Variants in RASA1 observed in about 807,000 individuals in gnomAD.
The protein encoded by RASA1 is ras GTPase-activating protein 1.
A neutral mutation model predicts 132.2 loss-of-function variants in RASA1; 25 were observed. The ratio of observed to expected loss-of-function variants is 0.19; its 90% CI spans 0.14 to 0.26. The LOEUF (loss-of-function observed/expected upper bound fraction) is 0.26. Ranked by LOEUF, RASA1 falls within the 10% of genes least tolerant of loss-of-function variation. The pLI, the probability that RASA1 is intolerant of heterozygous loss-of-function variation, is 1.00. For synonymous variants in RASA1, 477 were observed against 449.9 expected (o/e 1.06, Z -0.76); for missense variants, 964 against 1,299.2 (o/e 0.74, Z 3.97).
intron 1 of RASA1, among the ~76,000 whole-genome samples, chr5:87,270,567 G>T (rs1187193365): frequency 6.8e-6 from 1 of 146,400 alleles, no homozygotes; most frequent in African/African-American, 2.5e-5. Context: ...AACTGATGTC[G>T]AACTCCTGAC....
At chr5:87,325,317 A>T (rs1300710542) in intron 1 of RASA1, among the ~76,000 whole-genome samples, 1 of 152,236 alleles carries the variant, frequency 6.6e-6, no homozygotes, top group Non-Finnish European at 1.5e-5. Context: ...TGGAAACTAC[A>T]ATTCAAGATG....
chr5:87,289,777 A>T (rs936137286), intron 1 of RASA1, among the ~76,000 whole-genome samples: 4 of 151,966 alleles, frequency 2.6e-5, no homozygotes, highest in Non-Finnish European at 5.9e-5. Context: ...TGCCCAGCTA[A>T]TGCTTTATTT....
At chr5:87,377,400 GGCTCACTGC>G (rs1554049531) in intron 17 of RASA1, among the ~76,000 whole-genome samples, 2 of 152,056 alleles carry the variant, frequency 1.3e-5, no homozygotes, top group Non-Finnish European at 2.9e-5. Context: ...GCGCAGTCTC[GGCTCACTGC>G]AACCTCTACC....
chr5:87,386,965 C>T, intron 23 of RASA1, 62 bp downstream of exon 23: 1 of 1,384,952 alleles, frequency 7.2e-7, no homozygotes, highest in Non-Finnish European at 1.0e-6. Flanking sequence ...TGAGTTAACC[C>T]ATTTAAGCAG....
At chr5:87,385,447 A>C in intron 22 of RASA1, 58 bp downstream of exon 22, 1 of 1,306,104 alleles carries the variant, frequency 7.7e-7, no homozygotes, top group East Asian at 2.4e-5. Flanking sequence ...GACATGATAA[A>C]ACCATAAATT....
intron 11 of RASA1, 142 bp downstream of exon 11, chr5:87,363,646 C>T (rs1760281337): frequency 7.9e-6 from 7 of 882,016 alleles, no homozygotes; most frequent in Non-Finnish European, 1.1e-5. Context: ...GCCTTCCTTG[C>T]TTAATTGTAG....
At chr5:87,374,648 AG>A (rs2112486258) in intron 14 of RASA1, among the ~76,000 whole-genome samples, 191 bp from the exon 15 acceptor site, 1 of 151,952 alleles carries the variant, frequency 6.6e-6, no homozygotes, top group Admixed American at 6.6e-5. Context: ...TAAAGATGGT[AG>A]GAAAAGTGTG....
At chr5:87,353,438 CT>C (rs1420077257) in intron 9 of RASA1, among the ~76,000 whole-genome samples, 1 of 151,884 alleles carries the variant, frequency 6.6e-6, no homozygotes, top group Non-Finnish European at 1.5e-5. Context: ...AACCTAGTGG[CT>C]TTTTGAGATT....
chr5:87,325,728 T>C (rs1757182786), intron 1 of RASA1, among the ~76,000 whole-genome samples: 2 of 152,332 alleles, frequency 1.3e-5, no homozygotes, highest in East Asian at 1.9e-4. Context: ...AGGAACTCTA[T>C]TGATGTTAGC....
At chr5:87,389,932 T>C (rs73158009) in intron 24 of RASA1, among the ~76,000 whole-genome samples, 3,309 of 152,258 alleles carry the variant, frequency 0.022, 124 homozygotes, top group African/African-American at 0.075. Context: ...TGATTATTAT[T>C]TGGGATGTTT....
At chr5:87,269,359 C>T in intron 1 of RASA1, 1 of 1,485,578 alleles carries the variant, frequency 6.7e-7, no homozygotes, top group East Asian at 2.5e-5. Flanking sequence ...GTGTGTGTTA[C>T]TTGATAAAGC....
intron 9 of RASA1, among the ~76,000 whole-genome samples, chr5:87,355,270 C>G (rs1039765232): frequency 6.6e-6 from 1 of 152,170 alleles, no homozygotes; most frequent in Non-Finnish European, 1.5e-5. Context: ...CTTCAAAGGT[C>G]AGGCTGACTG....
rs188459283 is a variant in RASA1 at position 87,375,530 on chromosome 5, G to A, written c.2011+614G>A. ...CCGGCCTCGGCCTCCCAAAATGCTG[G>A]GATTACATTACCATATAAGTAAAAA... On this transcript the variant is annotated intron_variant, in intron 15 of 24. Coordinates refer to ENST00000274376, the MANE Select transcript of RASA1 (RefSeq NM_002890.3). Among the ~76,000 whole-genome samples the A allele has an allele frequency of 2.5e-3, 377 of 152,138 alleles. 1 individual carries two copies. The highest frequency in any genetic ancestry group is 8.6e-3 in the African/African-American group (355 of 41,486).
intron 20 of RASA1, among the ~76,000 whole-genome samples, chr5:87,381,224 C>T (rs1466987148): frequency 6.6e-6 from 1 of 152,172 alleles, no homozygotes; most frequent in Non-Finnish European, 1.5e-5. Flanking sequence ...AGAAGCAGAT[C>T]TGTCTGGAGA....
intron 1 of RASA1, among the ~76,000 whole-genome samples, chr5:87,297,038 C>A (rs1207656764): frequency 6.6e-6 from 1 of 152,042 alleles, no homozygotes; most frequent in Admixed American, 6.6e-5. Flanking sequence ...CTTTCCTTAG[C>A]TATGTTCAGT....
In RASA1 at chr5:87,376,488, C is replaced by A. The variant is rs1440445181; in HGVS notation, c.2107C>A (p.Pro703Thr). 1 of 1,613,962 alleles carries A rather than the reference C, an allele frequency of 6.2e-7. No individual in the cohort carries two copies. Among genetic ancestry groups the A allele is most frequent in the Non-Finnish European group, 8.5e-7 (1 of 1,179,948 alleles). ...CCATATACCATTAAAAGGTATTGAA[C>A]CAGGGTCCCTGCGTGTTCGAGCACG... ...SSHIPLKGIE[P>T]GSLRVRARYS... Residue 703 changes from proline to threonine, a missense_variant, in exon 16 of 25, where the codon CCA (proline) becomes ACA (threonine). This residue lies in a region of RASA1 where 346 missense variants were observed against 520.1 expected (regional missense o/e 0.67). Coordinates refer to ENST00000274376, the MANE Select transcript of RASA1 (RefSeq NM_002890.3).
At chr5:87,369,724 ATTAT>A (rs1760790390) in intron 11 of RASA1, 85 bp from the exon 12 acceptor site, 9 of 827,528 alleles carry the variant, frequency 1.1e-5, no homozygotes, top group Non-Finnish European at 1.8e-5. Context: ...TTTTATGTTA[ATTAT>A]TTATTGTGAG....
intron 7 of RASA1, among the ~76,000 whole-genome samples, chr5:87,347,434 T>G (rs965857450): frequency 6.6e-6 from 1 of 152,030 alleles, no homozygotes; most frequent in East Asian, 1.9e-4. Flanking sequence ...ATACCGAGCA[T>G]TTCTTTGGCA....
At chr5:87,303,413 A>C (rs1415705082) in intron 1 of RASA1, among the ~76,000 whole-genome samples, 1 of 151,484 alleles carries the variant, frequency 6.6e-6, no homozygotes, top group Non-Finnish European at 1.5e-5. Context: ...TGAGGTAGAT[A>C]CTTAAATAAT....
Sources: gnomAD v4.1 joint callset for allele counts (sites outside exome capture counted in the v4.1 genomes callset) on GRCh38, gnomAD v4.1.1 for gene constraint, gnomAD v4.1.1 regional missense constraint, MANE v1.5 for transcripts, NCBI Gene and HGNC (gene_info 2026-07-23, HGNC 2026-07-21) for gene names.